Variants in MYH7B observed in about 807,000 individuals in gnomAD.
The protein encoded by MYH7B is myosin heavy chain 7B, also known as myosin-7B.
A neutral mutation model predicts 234.5 loss-of-function variants in MYH7B; 205 were observed. The observed-to-expected ratio is 0.87, with a 90% CI of 0.78 to 0.98. The LOEUF (loss-of-function observed/expected upper bound fraction) is 0.98. Among genes scored for constraint, MYH7B ranks in the 50% least tolerant of loss-of-function variants. The probability of loss-of-function intolerance (pLI) is 0.00; values close to 1 mark genes in which losing one functional copy is unlikely to be tolerated. For missense variants in MYH7B, 2,652 were observed against 2,633.4 expected (o/e 1.01, Z -0.15); for synonymous variants, 1,193 against 1,105.0 (o/e 1.08, Z -1.58).
chr20:34,980,848 C>A, intron 8 of MYH7B, 114 bp downstream of exon 8: 2 of 1,513,836 alleles, frequency 1.3e-6, no homozygotes, highest in African/African-American at 1.4e-5. Context: ...CGCTGCTGGA[C>A]ATGGTCGCCC....
intron 3 of MYH7B, among the ~76,000 whole-genome samples, chr20:34,977,061 C>T (rs374428494): frequency 8.2e-5 from 11 of 134,572 alleles, no homozygotes; most frequent in South Asian, 2.5e-4. Flanking sequence ...ACCCCTCCCC[C>T]CTCTCTCTCT....
At chr20:34,956,349 G>A (rs1441342508) in intron 1 of MYH7B, among the ~76,000 whole-genome samples, 1 of 152,118 alleles carries the variant, frequency 6.6e-6, no homozygotes, top group African/African-American at 2.4e-5. Context: ...CTGTTTGAGG[G>A]GAGCCCTGTG....
chr20:34,986,841 C>T lies in MYH7B; in HGVS notation c.905-45C>T, dbSNP rs139399903. ...CTGCAATTGTTGTGGGGAGAATAGC[C>T]GGTAAGCACTGCCTGACCCTCCCTT... is the stretch of plus-strand genomic sequence containing the variant. On this transcript the variant is annotated intron_variant, in intron 14 of 44. Coordinates refer to ENST00000262873, the Ensembl canonical transcript of MYH7B. 242 of 1,499,228 alleles carry T rather than the reference C, an allele frequency of 1.6e-4. No homozygotes were observed. The African/African-American group carries it at 2.6e-3, about 16-fold the overall frequency. 92.9% of individuals were successfully genotyped at this position (1,499,228 alleles called of 1,614,324 possible).
Position 34,986,879 on chromosome 20 carries a change from T to A in MYH7B, c.905-7T>A. On this transcript the variant is annotated splice_region_variant and splice_polypyrimidine_tract_variant and intron_variant, in intron 14 of 44. Coordinates refer to ENST00000262873, the Ensembl canonical transcript of MYH7B. ...CTGACCCTCCCTTCTCTGCCCTGTG[T>A]CCCCAGACATGCTGCTTCTGTCTAT... 1 of 1,612,014 alleles carries A rather than the reference T, an allele frequency of 6.2e-7. No individual in the cohort carries two copies. Among genetic ancestry groups the A allele is most frequent in the Non-Finnish European group, 8.5e-7 (1 of 1,178,228 alleles).
At chr20:34,962,060 T>A (rs1426789124) in intron 2 of MYH7B, among the ~76,000 whole-genome samples, 1 of 152,052 alleles carries the variant, frequency 6.6e-6, no homozygotes, top group Non-Finnish European at 1.5e-5. Flanking sequence ...TAAGGCTCTC[T>A]ACAAAAAAAT....
exon 41 of MYH7B, chr20:35,001,127 G>T: frequency 8.7e-6 from 14 of 1,613,822 alleles, no homozygotes; most frequent in Non-Finnish European, 1.2e-5. Context: ...CTCCGTGGCG[G>T]GAAGAAGCAG....
chr20:34,980,247 C>T (rs2147174197), intron 7 of MYH7B: 2 of 339,606 alleles, frequency 5.9e-6, no homozygotes, highest in East Asian at 6.0e-5. Context: ...GCGTATCCCT[C>T]CCAAAACCCT....
chr20:34,987,055 G>A, intron 15 of MYH7B, 66 bp downstream of exon 15: 4 of 1,608,402 alleles, frequency 2.5e-6, no homozygotes, highest in Non-Finnish European at 3.4e-6. Context: ...CACTGCCGGT[G>A]CCCCCAGCTG....
chr20:34,994,503 T>A, intron 27 of MYH7B, 102 bp downstream of exon 27: 1 of 1,352,826 alleles, frequency 7.4e-7, no homozygotes, highest in Non-Finnish European at 9.9e-7. Context: ...AGGCCTTATG[T>A]CTCTCTGTTC....
chr20:34,999,267 G>A (rs763272478), exon 36 of MYH7B: 2 of 1,599,846 alleles, frequency 1.3e-6, no homozygotes, highest in African/African-American at 1.3e-5. Context: ...GCGGCAGGAG[G>A]AGGAGATGCA....
At chr20:34,999,670 T>C (rs1263815928) in exon 37 of MYH7B, 1 of 1,612,948 alleles carries the variant, frequency 6.2e-7, no homozygotes, top group Non-Finnish European at 8.5e-7. Flanking sequence ...AAGAGTGAGA[T>C]CCAGGCTGCA....
chr20:34,987,482 C>T, intron 16 of MYH7B, 75 bp from the exon 17 acceptor site: 1 of 1,452,238 alleles, frequency 6.9e-7, no homozygotes, highest in Non-Finnish European at 9.5e-7. Flanking sequence ...CTCTCCTAGC[C>T]CCAGGCTGAG....
intron 10 of MYH7B, 89 bp downstream of exon 10, chr20:34,982,644 T>A (rs1263120822): frequency 2.5e-6 from 3 of 1,187,128 alleles, no homozygotes; most frequent in African/African-American, 3.1e-5. Context: ...TCCCCCTTTT[T>A]AAAAATTTTA....
chr20:34,977,563 G>C, intron 3 of MYH7B, 69 bp from the exon 4 acceptor site: 8 of 1,487,132 alleles, frequency 5.4e-6, no homozygotes, highest in Middle Eastern at 1.7e-4. Flanking sequence ...TTTGTGTCCT[G>C]TGGCCAGGCT....
At chr20:34,987,197 T>A in exon 16 of MYH7B, 3 of 1,613,038 alleles carry the variant, frequency 1.9e-6, no homozygotes, top group Non-Finnish European at 2.5e-6. Flanking sequence ...ATGTGCCTGC[T>A]ATAAGATCGT....
intron 2 of MYH7B, among the ~76,000 whole-genome samples, chr20:34,973,682 G>A (rs1428303605): frequency 1.3e-5 from 2 of 152,200 alleles, no homozygotes; most frequent in Non-Finnish European, 1.5e-5. Context: ...GCTTCCTGTC[G>A]CTGCCCATGG....
chr20:34,982,294 G>T (rs909483360), intron 9 of MYH7B, among the ~76,000 whole-genome samples, 165 bp from the exon 10 acceptor site: 3 of 151,818 alleles, frequency 2.0e-5, no homozygotes, highest in African/African-American at 4.8e-5. Context: ...CACAGGGATG[G>T]TCTACACTGG....
intron 44 of MYH7B, 27 bp downstream of exon 44, chr20:35,002,112 C>T: frequency 3.1e-6 from 5 of 1,611,924 alleles, no homozygotes; most frequent in Non-Finnish European, 4.2e-6. Context: ...GCATTGCTCT[C>T]TGTGCAGGGG....
At chr20:34,993,582 G>C in intron 26 of MYH7B, 112 bp downstream of exon 26, 1 of 1,232,278 alleles carries the variant, frequency 8.1e-7, no homozygotes, top group Non-Finnish European at 1.1e-6. Context: ...CAGCCCCTGT[G>C]GCTGGTTGGG....
Sources: gnomAD v4.1 joint callset for allele counts (sites outside exome capture counted in the v4.1 genomes callset) on GRCh38, gnomAD v4.1.1 for gene constraint, MANE v1.5 for transcripts, NCBI Gene and HGNC (gene_info 2026-07-23, HGNC 2026-07-21) for gene names.